Variants in NAV1 observed in about 807,000 individuals in gnomAD.
The protein encoded by NAV1 is neuron navigator 1.
NAV1 carries 18 observed loss-of-function variants against 175.2 expected under a neutral mutation model. The observed-to-expected ratio is 0.10, with a 90% CI of 0.07 to 0.15. The LOEUF (loss-of-function observed/expected upper bound fraction) is 0.15. Ranked by LOEUF, NAV1 falls within the 10% of genes least tolerant of loss-of-function variation. The pLI is 1.00. For missense variants in NAV1, 1,731 were observed against 2,436.6 expected, an observed-to-expected ratio of 0.71 and a Z score of 6.10; for synonymous variants, 897 against 978.7, an observed-to-expected ratio of 0.92 and a Z score of 1.56.
chr1:201,603,873 G>A (rs766892614), intron 2 of NAV1, among the ~76,000 whole-genome samples: 12 of 152,218 alleles, frequency 7.9e-5, no homozygotes, highest in Non-Finnish European at 1.8e-4. Flanking sequence ...CCATTTCATC[G>A]CATAGCCTTT....
At chr1:201,624,409 T>C (rs1668268177) in intron 1 of NAV1, among the ~76,000 whole-genome samples, 2 of 145,728 alleles carry the variant, frequency 1.4e-5, no homozygotes, top group African/African-American at 5.1e-5. Flanking sequence ...AGTGGTGCGA[T>C]CTCGGCTCAC....
intron 3 of NAV1, among the ~76,000 whole-genome samples, chr1:201,776,745 A>C (rs774789326): frequency 2.0e-5 from 3 of 152,074 alleles, no homozygotes; most frequent in Non-Finnish European, 2.9e-5. Flanking sequence ...CAAATACTCT[A>C]GAAGAGAGAA....
upstream of NAV1, among the ~76,000 whole-genome samples, chr1:201,619,239 A>C (rs1022344474): frequency 3.9e-5 from 6 of 152,248 alleles, no homozygotes; most frequent in Non-Finnish European, 8.8e-5. Flanking sequence ...CAGCCTCCTC[A>C]GCCTTAGGGC....
Position 201,787,882 on chromosome 1 carries a change from A to G in NAV1, c.2996-586A>G, listed in dbSNP as rs1676864724. 2 of 350,074 alleles carry G rather than the reference A, an allele frequency of 5.7e-6. No homozygotes were observed. The highest frequency in any genetic ancestry group is 2.1e-5 in the African/African-American group (1 of 46,820). 21.7% of individuals were successfully genotyped at this position (350,074 alleles called of 1,614,324 possible). A position where few individuals can be genotyped will look rare whatever the true frequency, so the allele number is the denominator to read the frequency against. On this transcript the variant is annotated intron_variant, in intron 9 of 29. Coordinates refer to ENST00000367296, the Ensembl canonical transcript of NAV1. This position sits in a 1 kb window ranked among gnomAD's most constrained non-coding sequence, Gnocchi z 4.3. ...TCCATCTGACCTTCAAGCCGGGGCAATGCTAGGCAAAGAGGGCCATGTTTC... is the reference window on the plus strand; with the variant it reads ...TCCATCTGACCTTCAAGCCGGGGCAGTGCTAGGCAAAGAGGGCCATGTTTC...
In NAV1 at chr1:201,718,479, G is replaced by A. The variant is rs766836073; in HGVS notation, c.950G>A (p.Arg317His). Residue 317 changes from arginine to histidine, a missense_variant, in exon 3 of 30, where the codon CGC becomes CAC. Arg to His is a conservative substitution (Grantham distance 29). Around this residue, in one of 13 missense-constraint regions of NAV1, gnomAD observed 487 missense variants for 581.3 expected, o/e 0.84. Coordinates refer to ENST00000367296, the Ensembl canonical transcript of NAV1. This position sits in a 1 kb window ranked among gnomAD's most constrained non-coding sequence, Gnocchi z 4.8. ...AACCGCTCGTCCCCTCTGTCATGGC[G>A]CTATGGCCAGTCCAGTCCGCGGCTG... The A allele has an allele frequency of 5.6e-6, 9 of 1,600,116 alleles. No homozygotes were observed. In the East Asian group the frequency reaches 6.7e-5, roughly 12 times the overall value.
At chr1:201,600,149 C>T (rs760318186) in intron 2 of NAV1, among the ~76,000 whole-genome samples, 7 of 152,182 alleles carry the variant, frequency 4.6e-5, no homozygotes, top group Non-Finnish European at 8.8e-5. Context: ...AGTGAATGAC[C>T]TCTGTACCAG....
intron 2 of NAV1, among the ~76,000 whole-genome samples, chr1:201,632,750 T>C (rs1448297161): frequency 1.3e-5 from 2 of 152,098 alleles, no homozygotes; most frequent in African/African-American, 2.4e-5. Flanking sequence ...CACACGAGGG[T>C]TGATATATAG....
intron 3 of NAV1, among the ~76,000 whole-genome samples, chr1:201,756,809 C>CTTCTTTCTTTCTTTCTTTCTCTTTCT (rs1558131299): frequency 1.1e-4 from 3 of 27,002 alleles, no homozygotes; most frequent in East Asian, 5.2e-4. Context: ...TCTTTCTTTC[C>CTTCTTTCTTTCTTTCTTTCTCTTTCT]TTCTTTCTTT....
At chr1:201,620,481 CAG>C (rs1229107235), upstream of NAV1, among the ~76,000 whole-genome samples, 1 of 93,106 alleles carries the variant, frequency 1.1e-5, no homozygotes, top group Non-Finnish European at 1.8e-5. Flanking sequence ...TTTTTTGAGA[CAG>C]AGTCTCGCTC....
intron 29 of NAV1, among the ~76,000 whole-genome samples, chr1:201,819,454 A>ATT (rs11390244): frequency 0.018 from 2,358 of 132,554 alleles, 48 homozygotes; most frequent in African/African-American, 0.035. Context: ...CATGATCTAG[A>ATT]TTTTTTTTTT....
chr1:201,813,592 A>G lies in NAV1; in HGVS notation c.5340+334A>G, dbSNP rs879688612. ...CCCTAATTAAAACAAACAAACAAAC[A>G]AACAAAACCTTAGCTACTTACTACT... On this transcript the variant is annotated intron_variant, in intron 28 of 29. Transcript: ENST00000367296. This position sits in a 1 kb window ranked among gnomAD's most constrained non-coding sequence, Gnocchi z 4.2. Among the ~76,000 whole-genome samples, 1 of 152,118 alleles carries G rather than the reference A, an allele frequency of 6.6e-6. No individual in the cohort carries two copies. The highest frequency in any genetic ancestry group is 1.5e-5 in the Non-Finnish European group (1 of 68,024).
At chr1:201,708,978 G>A (rs552300584) in intron 1 of NAV1, among the ~76,000 whole-genome samples, 9 of 151,894 alleles carry the variant, frequency 5.9e-5, no homozygotes, top group South Asian at 2.1e-4. Context: ...GCAAAACCCC[G>A]TCTCTACTAA....
intron 24 of NAV1, 150 bp from the exon 29 acceptor site, chr1:201,811,453 C>A: frequency 1.1e-6 from 1 of 925,138 alleles, no homozygotes; most frequent in Non-Finnish European, 1.7e-6. Context: ...CTGCTTATCA[C>A]TCTGTGGTAA....
chr1:201,754,753 T>A (rs1674348532), intron 3 of NAV1, among the ~76,000 whole-genome samples: 1 of 152,244 alleles, frequency 6.6e-6, no homozygotes, highest in African/African-American at 2.4e-5. Flanking sequence ...TGCTAGAAAA[T>A]TTTTTATTTT....
chr1:201,749,886 G>A, intron 3 of NAV1, among the ~76,000 whole-genome samples: 1 of 152,114 alleles, frequency 6.6e-6, no homozygotes, highest in South Asian at 2.1e-4. Flanking sequence ...CTGAGCAACA[G>A]AGCAATTCTC....
intron 3 of NAV1, among the ~76,000 whole-genome samples, chr1:201,777,162 G>A (rs1676007262): frequency 6.6e-6 from 1 of 152,172 alleles, no homozygotes; most frequent in South Asian, 2.1e-4. Flanking sequence ...GAAACCTACT[G>A]GAAGAGGTAC....
At chr1:201,561,612 T>C (rs1314967273) in intron 1 of NAV1, among the ~76,000 whole-genome samples, 1 of 152,248 alleles carries the variant, frequency 6.6e-6, no homozygotes, top group African/African-American at 2.4e-5. Context: ...ATTTTTCTTC[T>C]GAGTCCTTTT....
intron 15 of NAV1, among the ~76,000 whole-genome samples, chr1:201,802,660 A>G (rs934553309): frequency 1.3e-5 from 2 of 151,470 alleles, no homozygotes; most frequent in African/African-American, 4.8e-5. Context: ...GGTGCCTGTA[A>G]TCCCAGCTAC....
rs746407829 is a variant in NAV1 at position 201,782,535 on chromosome 1, C to A, written c.2023C>A (p.Arg675=). 3.7e-6 allele frequency: 6 copies of A among 1,611,420 alleles called. No homozygotes were observed. The African/African-American group carries it at 8.0e-5, about 22-fold the overall frequency. Residue 675 remains arginine (R), a synonymous_variant, in exon 6 of 30, where the codon CGG becomes AGG. Coordinates refer to ENST00000367296, the Ensembl canonical transcript of NAV1. This position sits in a 1 kb window ranked among gnomAD's most constrained non-coding sequence, Gnocchi z 5.4. Reference sequence around the variant, plus strand: ...TAACATCCAGTACCGCAGCCTGCCCCGGCCAGCCAAGTCAAGTTCTATGAG... The same window carrying A: ...TAACATCCAGTACCGCAGCCTGCCCAGGCCAGCCAAGTCAAGTTCTATGAG...
Sources: gnomAD v4.1 joint callset for allele counts (sites outside exome capture counted in the v4.1 genomes callset) on GRCh38, gnomAD v4.1.1 for gene constraint, gnomAD v4.1.1 regional missense constraint, Gnocchi (gnomAD v3.1) non-coding constraint, MANE v1.5 for transcripts, NCBI Gene and HGNC (gene_info 2026-07-23, HGNC 2026-07-21) for gene names.